TMEM39A: variants seen among roughly 807,000 people sequenced by gnomAD.
TMEM39A encodes the protein transmembrane protein 39A.
Under a neutral mutation model 51.9 loss-of-function variants are expected in TMEM39A, and 19 were observed. That is an observed-to-expected ratio of 0.37 (90% CI 0.26 to 0.54). The LOEUF (loss-of-function observed/expected upper bound fraction) is 0.54, where lower values mean the gene tolerates loss of function less well. TMEM39A is among the 20% of genes least tolerant of loss of function. The pLI is 0.88. For missense variants in TMEM39A, 433 were observed against 590.5 expected (o/e 0.73, Z 2.76); for synonymous variants, 197 against 220.2 (o/e 0.89, Z 0.93).
At position 119,430,173 on chromosome 3, in the gene TMEM39A, A is replaced by C. The variant is rs559215408; in HGVS notation, c.*1808T>G. On this transcript the variant is annotated 3_prime_UTR_variant, in exon 9 of 9. Transcript: ENST00000319172. ...AACTACTTTAAAAAGCAACTAACCT[A>C]ATATATTTTCTTGCTATTCTTCCAA... 6.6e-5 allele frequency: 10 copies of C among 152,198 alleles called. No homozygotes were observed. The South Asian group carries it at 1.9e-3, about 28-fold the overall frequency. 9.4% of individuals were successfully genotyped at this position (152,198 alleles called of 1,614,324 possible). A position where few individuals can be genotyped will look rare whatever the true frequency, so the allele number is the denominator to read the frequency against.
intron 5 of TMEM39A, chr3:119,446,493 AT>A (rs1219080677): frequency 1.3e-5 from 2 of 153,504 alleles, no homozygotes; most frequent in Middle Eastern, 3.4e-3. Context: ...ACAGCACACA[AT>A]TTAAAACATA....
Position 119,431,977 on chromosome 3 carries a change from C to A in TMEM39A, c.*4G>T, listed in dbSNP as rs2080906871. 6.4e-7 allele frequency: 1 copy of A among 1,553,572 alleles called. No homozygotes were observed. Among genetic ancestry groups the A allele is most frequent in the Non-Finnish European group, 8.8e-7 (1 of 1,142,280 alleles). On this transcript the variant is annotated 3_prime_UTR_variant, in exon 9 of 9. Coordinates refer to ENST00000319172, the MANE Select transcript of TMEM39A (RefSeq NM_018266.3). ...TGAGTTCTCCCTCATTGTTGAGAGG[C>A]AGCTTAGTTTGCCTTGAGTTCATAA... is the stretch of plus-strand genomic sequence containing the variant.
rs1308073423 is a variant in TMEM39A at position 119,461,949 on chromosome 3, AT to A, written c.113+12del. On this transcript the variant is annotated intron_variant, in intron 2 of 8. Transcript: ENST00000319172. ...GGACATTAAAATTATATATAGCCTT[AT>A]TTTTTCTTTACCTGTTTCTCAAGCC... 1 of 1,604,000 alleles carries A rather than the reference AT, an allele frequency of 6.2e-7. No homozygotes were observed. The highest frequency in any genetic ancestry group is 8.5e-7 in the Non-Finnish European group (1 of 1,172,452).
intron 5 of TMEM39A, among the ~76,000 whole-genome samples, chr3:119,443,613 A>C (rs964325886): frequency 3.3e-5 from 5 of 152,168 alleles, no homozygotes; most frequent in Non-Finnish European, 7.4e-5. Context: ...TTATGTACTT[A>C]ATAGAATACA....
Position 119,462,068 on chromosome 3 carries a change from C to T in TMEM39A, c.7G>A (p.Gly3Ser). 1 of 1,613,918 alleles carries T rather than the reference C, an allele frequency of 6.2e-7. No individual in the cohort carries two copies. ...TGCCGACTAGGGCCCCTCCTTCCAC[C>T]GGGCATGTCCAGGAACCAGTCTGCT... MP[G>S]GRRGPSRQQL... The change falls in exon 2 of 9, where the codon GGT becomes AGT. Residue 3 changes from glycine to serine, a missense_variant. By Grantham distance (56) the Gly-to-Ser change is moderately conservative. This residue lies in a region of TMEM39A where 170 missense variants were observed against 239.8 expected (regional missense o/e 0.71). Transcript: ENST00000319172.
intron 4 of TMEM39A, among the ~76,000 whole-genome samples, chr3:119,450,993 A>C (rs2081190986): frequency 2.0e-5 from 3 of 152,168 alleles, no homozygotes; most frequent in Admixed American, 2.0e-4. Context: ...TTGGACATGT[A>C]CAAGTAGCAT....
chr3:119,437,077 A>C, intron 6 of TMEM39A, 99 bp from the exon 7 acceptor site: 2 of 1,104,194 alleles, frequency 1.8e-6, no homozygotes, highest in South Asian at 3.2e-5. Flanking sequence ...TGCCACACTG[A>C]GTCACACATG....
At chr3:119,436,248 T>A (rs1335411441) in intron 7 of TMEM39A, among the ~76,000 whole-genome samples, 1 of 152,082 alleles carries the variant, frequency 6.6e-6, no homozygotes, top group Admixed American at 6.6e-5. Flanking sequence ...CAGGCACAGT[T>A]CTCACTTAAA....
At position 119,463,571 on chromosome 3, in the gene TMEM39A, C is replaced by CT; in HGVS notation, c.-311dup. On this transcript the variant is annotated 5_prime_UTR_variant, in exon 1 of 9. An upstream open reading frame in the 5' UTR gains an earlier in-frame stop. Transcript: ENST00000319172. ...CCAGAGCTAAAGCTAGAGCCAGAGC[C>CT]TGATACTTCAGCACCCATCCCTAGC... 2.5e-6 allele frequency: 1 copy of CT among 398,854 alleles called. No homozygotes were observed. The highest frequency in any genetic ancestry group is 3.6e-5 in the East Asian group (1 of 28,082). 24.7% of individuals were successfully genotyped at this position (398,854 alleles called of 1,614,324 possible). A position where few individuals can be genotyped will look rare whatever the true frequency, so the allele number is the denominator to read the frequency against.
chr3:119,446,792 C>A, intron 5 of TMEM39A: 1 of 472,640 alleles, frequency 2.1e-6, no homozygotes, highest in Non-Finnish European at 3.7e-6. Flanking sequence ...GCAACACACC[C>A]TACATTCCAG....
chr3:119,461,918 A>T (rs1271318326), intron 2 of TMEM39A, 44 bp downstream of exon 2: 13 of 1,460,568 alleles, frequency 8.9e-6, no homozygotes, highest in Non-Finnish European at 1.2e-5. Flanking sequence ...AGTCTTACTG[A>T]TCAAAGGACA....
chr3:119,433,560 G>GA (rs1356442524), intron 8 of TMEM39A, among the ~76,000 whole-genome samples: 1 of 152,066 alleles, frequency 6.6e-6, no homozygotes, highest in African/African-American at 2.4e-5. Context: ...AGCTAGCAAG[G>GA]AAACTACTTA....
intron 6 of TMEM39A, 52 bp downstream of exon 6, chr3:119,437,703 T>C (rs2080990184): frequency 2.2e-6 from 3 of 1,383,926 alleles, no homozygotes; most frequent in East Asian, 2.3e-5. Context: ...ACCCAGTTTA[T>C]GTAATTCACA....
At chr3:119,460,503 C>T (rs542524174) in intron 2 of TMEM39A, among the ~76,000 whole-genome samples, 42 of 152,116 alleles carry the variant, frequency 2.8e-4, no homozygotes, top group Non-Finnish European at 4.1e-4. Flanking sequence ...ATATTTAAAA[C>T]ACATAGGAAA....
rs981576910 is a variant in TMEM39A, at chr3:119,429,466, T to C, written c.*2515A>G. On this transcript the variant is annotated 3_prime_UTR_variant, in exon 9 of 9. Coordinates refer to ENST00000319172, the MANE Select transcript of TMEM39A (RefSeq NM_018266.3). ...CAACTGAACTTTTGCTATACCATGCTTTCCACAAACAATTTTAACTTGCCA... is the reference window on the plus strand; with the variant it reads ...CAACTGAACTTTTGCTATACCATGCCTTCCACAAACAATTTTAACTTGCCA... 6.6e-6 allele frequency: 1 copy of C among 152,106 alleles called. No individual in the cohort carries two copies. Among genetic ancestry groups the C allele is most frequent in the African/African-American group, 2.4e-5 (1 of 41,416 alleles). The allele number at this position is 152,106 out of a possible 1,614,324, so 9.4% of individuals were successfully genotyped here.
intron 6 of TMEM39A, among the ~76,000 whole-genome samples, chr3:119,437,481 A>G (rs1467824015): frequency 6.6e-6 from 1 of 151,144 alleles, no homozygotes; most frequent in South Asian, 2.1e-4. Flanking sequence ...TACTGATTCT[A>G]TTATAAGTAC....
chr3:119,438,677 T>G (rs1338266144), intron 5 of TMEM39A, among the ~76,000 whole-genome samples: 1 of 152,224 alleles, frequency 6.6e-6, no homozygotes, highest in Non-Finnish European at 1.5e-5. Context: ...TTTCCACTAC[T>G]ATAAATAACA....
intron 3 of TMEM39A, among the ~76,000 whole-genome samples, chr3:119,454,499 A>C (rs114453620): frequency 0.015 from 2,266 of 152,298 alleles, 60 homozygotes; most frequent in African/African-American, 0.053. Context: ...ATTTTTAAAA[A>C]TCAAAATATT....
intron 5 of TMEM39A, among the ~76,000 whole-genome samples, chr3:119,438,512 G>A (rs186057970): frequency 6.6e-6 from 1 of 152,226 alleles, no homozygotes; most frequent in East Asian, 1.9e-4. Flanking sequence ...TTGTATGTGT[G>A]CATGTGTGTA....
Sources: gnomAD v4.1 joint callset for allele counts (sites outside exome capture counted in the v4.1 genomes callset) on GRCh38, gnomAD v4.1.1 for gene constraint, gnomAD v4.1.1 regional missense constraint, MANE v1.5 for transcripts, NCBI Gene and HGNC (gene_info 2026-07-23, HGNC 2026-07-21) for gene names.